Variants in ADCY9 observed in about 807,000 individuals in gnomAD.
The protein encoded by ADCY9 is adenylate cyclase 9.
In ADCY9, 50 loss-of-function variants were observed where a neutral mutation model predicts 101.5. That is an observed-to-expected ratio of 0.49 (90% CI 0.39 to 0.62). The LOEUF is 0.62. Ranked by LOEUF, ADCY9 falls within the 20% of genes least tolerant of loss-of-function variation. The pLI is 0.00. For synonymous variants in ADCY9, 905 were observed against 769.3 expected, an observed-to-expected ratio of 1.18 and a Z score of -2.92; for missense variants, 1,662 against 1,800.4, an observed-to-expected ratio of 0.92 and a Z score of 1.39.
At chr16:4,048,454 T>C (rs916563397) in intron 2 of ADCY9, among the ~76,000 whole-genome samples, 8 of 152,152 alleles carry the variant, frequency 5.3e-5, no homozygotes, top group African/African-American at 1.9e-4. Context: ...GTTCCGCAAA[T>C]GGCAGTACAA....
At chr16:3,969,298 C>G (rs921033408) in intron 10 of ADCY9, among the ~76,000 whole-genome samples, 1 of 151,158 alleles carries the variant, frequency 6.6e-6, no homozygotes, top group Non-Finnish European at 1.5e-5. Context: ...CCCGGGCTGG[C>G]ATGCAGTGGT....
chr16:4,014,276 A>AC (rs1722155392), intron 2 of ADCY9, among the ~76,000 whole-genome samples: 1 of 150,398 alleles, frequency 6.6e-6, no homozygotes, highest in Non-Finnish European at 1.5e-5. Context: ...CCGAGATCGC[A>AC]CCATTGCACT....
At chr16:3,969,339 C>G (rs1425596192) in intron 10 of ADCY9, among the ~76,000 whole-genome samples, 1 of 151,300 alleles carries the variant, frequency 6.6e-6, no homozygotes, top group Non-Finnish European at 1.5e-5. Flanking sequence ...CCTCCACCTC[C>G]TGGGCTCAAC....
chr16:4,077,186 C>G (rs989919575), intron 2 of ADCY9, among the ~76,000 whole-genome samples: 6 of 152,074 alleles, frequency 3.9e-5, no homozygotes, highest in Non-Finnish European at 7.4e-5. Flanking sequence ...AAGCCCTATA[C>G]AGGGAAGTTA....
intron 2 of ADCY9, among the ~76,000 whole-genome samples, chr16:4,050,364 C>T (rs1382298361): frequency 6.6e-6 from 1 of 152,042 alleles, no homozygotes; most frequent in Non-Finnish European, 1.5e-5. Flanking sequence ...CATGTGTGCC[C>T]GTGTGTGTAT....
chr16:4,043,400 G>A (rs986931067), intron 2 of ADCY9, among the ~76,000 whole-genome samples: 25 of 151,982 alleles, frequency 1.6e-4, no homozygotes, highest in African/African-American at 4.4e-4. Context: ...CTGGCCCGGC[G>A]CGGTGGCTCA....
At chr16:4,110,289 G>A (rs1242843205) in intron 2 of ADCY9, among the ~76,000 whole-genome samples, 5 of 152,024 alleles carry the variant, frequency 3.3e-5, no homozygotes, top group Non-Finnish European at 7.4e-5. Flanking sequence ...AGTGTTATAC[G>A]GCTCCATGAC....
At position 4,049,305 on chromosome 16, in the gene ADCY9, C is replaced by T. The variant is rs1235300571; in HGVS notation, c.1694-41747G>A. On this transcript the variant is annotated intron_variant, in intron 2 of 10. Coordinates refer to ENST00000294016, the MANE Select transcript of ADCY9 (RefSeq NM_001116.4). ...TCCAGGGAAATGCTGCTGAAGGCTT[C>T]GTCTCTGCAGTGGAGAGAAAGTCGG... Among the ~76,000 whole-genome samples the T allele has an allele frequency of 1.2e-4, 18 of 152,276 alleles. No homozygotes were observed. The East Asian group carries it at 3.3e-3, about 28-fold the overall frequency.
intron 2 of ADCY9, among the ~76,000 whole-genome samples, chr16:4,064,584 C>T (rs2056789907): frequency 6.6e-6 from 1 of 152,116 alleles, no homozygotes; most frequent in Admixed American, 6.5e-5. Context: ...GCAATCCTCC[C>T]ACCTCAGTCT....
chr16:4,110,150 A>G (rs2141208582), intron 2 of ADCY9, among the ~76,000 whole-genome samples: 1 of 152,296 alleles, frequency 6.6e-6, no homozygotes, highest in South Asian at 2.1e-4. Context: ...GGAGGTTGGG[A>G]ACTATTAACG....
At position 3,965,805 on chromosome 16, in the gene ADCY9, G is replaced by A. The variant is rs2055986064; in HGVS notation, c.4032C>T (p.Leu1344=). The A allele has an allele frequency of 1.2e-6, 2 of 1,613,674 alleles. No individual in the cohort carries two copies. Among genetic ancestry groups the A allele is most frequent in the South Asian group, 1.1e-5 (1 of 91,062 alleles). Residue 1344 remains leucine (L), a synonymous_variant, in exon 11 of 11, where the codon CTC becomes CTT. Transcript: ENST00000294016. ...DETGIEEANE[L]TKLNVSKSV ...CACTCTTTGAAACGTTGAGCTTGGT[G>A]AGTTCGTTGGCTTCTTCTATTCCTG...
chr16:3,974,784 T>C, intron 9 of ADCY9, 74 bp from the exon 10 acceptor site: 1 of 1,214,600 alleles, frequency 8.2e-7, no homozygotes, highest in East Asian at 2.3e-5. Flanking sequence ...TGAGAAGAGC[T>C]TGAACAAACT....
intron 2 of ADCY9, among the ~76,000 whole-genome samples, chr16:4,042,198 C>A (rs972408129): frequency 2.0e-5 from 3 of 152,070 alleles, no homozygotes; most frequent in African/African-American, 7.2e-5. Flanking sequence ...GCTGGGATTA[C>A]AAGCGTGAGC....
chr16:4,071,118 C>A (rs1275555159), intron 2 of ADCY9, among the ~76,000 whole-genome samples: 2 of 151,734 alleles, frequency 1.3e-5, no homozygotes, highest in Non-Finnish European at 2.9e-5. Context: ...TCACTTGAGG[C>A]CAGGAGTTCG....
chr16:3,958,541 CAAAAAAAAA>C (rs57920543), downstream of ADCY9, among the ~76,000 whole-genome samples: 1 of 104,196 alleles, frequency 9.6e-6, no homozygotes, highest in African/African-American at 3.6e-5. Context: ...AACTCCGTCT[CAAAAAAAAA>C]AAAAAAAAAA....
In ADCY9 at chr16:4,115,016, T is replaced by G. The variant is rs1219505152; in HGVS notation, c.427A>C (p.Ile143Leu). The change falls in exon 2 of 11, where the codon ATC becomes CTC. Residue 143 changes from isoleucine (I) to leucine (L), a missense_variant. Ile to Leu is a conservative substitution (Grantham distance 5, BLOSUM62 2). Coordinates refer to ENST00000294016, the MANE Select transcript of ADCY9 (RefSeq NM_001116.4). The surrounding 1 kb of genome is among the most constrained non-coding windows in gnomAD (Gnocchi z 6.2). The stretch of plus-strand genomic sequence containing the variant: ...CACAGCGCGGGGGCGACCATGACGA[T>G]CAGTCTGGATCTCATGTGGACCGCA... ...YFAVHMRSRL[I>L]VMVAPALCFL... 6.2e-7 allele frequency: 1 copy of G among 1,613,976 alleles called. No homozygotes were observed.
At chr16:4,097,537 ATATATATATATATATATTTTTTTT>A (rs1174798909) in intron 2 of ADCY9, among the ~76,000 whole-genome samples, 3 of 46,222 alleles carry the variant, frequency 6.5e-5, no homozygotes, top group African/African-American at 1.3e-4. Flanking sequence ...ACATATATAT[ATATATATATATATATATTTTTTTT>A]TTTTTTTTTT....
downstream of ADCY9, among the ~76,000 whole-genome samples, chr16:3,960,893 G>T (rs550342448): frequency 6.6e-6 from 1 of 152,298 alleles, no homozygotes; most frequent in Admixed American, 6.5e-5. Flanking sequence ...CATGTCCATT[G>T]CGTGCAAGTG....
At chr16:4,037,700 A>G (rs1371357373) in intron 2 of ADCY9, among the ~76,000 whole-genome samples, 1 of 152,084 alleles carries the variant, frequency 6.6e-6, no homozygotes, top group Non-Finnish European at 1.5e-5. Flanking sequence ...TTTGATTTGC[A>G]TTTCTCTGTG....
Sources: allele counts gnomAD v4.1 joint callset (sites outside exome capture counted in the v4.1 genomes callset), GRCh38; gene constraint gnomAD v4.1.1; non-coding constraint Gnocchi (gnomAD v3.1); transcripts MANE v1.5; gene names NCBI Gene and HGNC (gene_info 2026-07-23, HGNC 2026-07-21).